Variants in TCF4 observed in about 807,000 individuals in gnomAD.
TCF4 encodes the protein transcription factor 4.
A neutral mutation model predicts 82.1 loss-of-function variants in TCF4; 3 were observed. The ratio of observed to expected loss-of-function variants is 0.04; its 90% CI spans 0.02 to 0.09. The LOEUF (loss-of-function observed/expected upper bound fraction) is 0.09, where lower values mean the gene tolerates loss of function less well. TCF4 is among the 10% of genes least tolerant of loss of function. The pLI, the probability that TCF4 is intolerant of heterozygous loss-of-function variation, is 1.00. For synonymous variants in TCF4, 276 were observed against 309.6 expected, an observed-to-expected ratio of 0.89 and a Z score of 1.14; for missense variants, 518 against 852.7, an observed-to-expected ratio of 0.61 and a Z score of 4.89.
intron 3 of TCF4, chr18:55,550,405 C>T (rs187658577): frequency 5.4e-4 from 82 of 152,190 alleles, no homozygotes; most frequent in African/African-American, 1.9e-3. Flanking sequence ...AGTTCCTGAC[C>T]CCTTATTTCA....
At chr18:55,259,551 G>A (rs1211600724) in intron 13 of TCF4, 1 of 162,248 alleles carries the variant, frequency 6.2e-6, no homozygotes, top group Non-Finnish European at 1.4e-5. Flanking sequence ...TGCAGGAAAT[G>A]ATCCATTTAA....
Position 55,588,190 on chromosome 18 carries a change from C to T in TCF4, c.-173G>A. ...GCCGCCGCCGCCGCCACTACAGATC[C>T]GCAGACACACAGCCAAGATCCCTGA... On this transcript the variant is annotated 5_prime_UTR_variant, in exon 1 of 20. Transcript: ENST00000354452. 1 of 1,199,442 alleles carries T rather than the reference C, an allele frequency of 8.3e-7. No homozygotes were observed. Among genetic ancestry groups the T allele is most frequent in the Non-Finnish European group, 1.0e-6 (1 of 969,148 alleles). The allele number at this position is 1,199,442 out of a possible 1,614,324, so 74.3% of individuals were successfully genotyped here. A position where few individuals can be genotyped will look rare whatever the true frequency, so the allele number is the denominator to read the frequency against.
At chr18:55,619,213 T>C (rs749221919) in intron 2 of TCF4, among the ~76,000 whole-genome samples, 1 of 152,154 alleles carries the variant, frequency 6.6e-6, no homozygotes, top group Non-Finnish European at 1.5e-5. Context: ...TTCTTTAATA[T>C]ATACAGGGGT....
chr18:55,503,608 C>T (rs1423655067), intron 3 of TCF4, among the ~76,000 whole-genome samples: 3 of 152,176 alleles, frequency 2.0e-5, no homozygotes, highest in Non-Finnish European at 4.4e-5. Context: ...TAACTTCCAA[C>T]AATACCTAGA....
At chr18:55,273,397 G>A (rs2060804815) in intron 10 of TCF4, among the ~76,000 whole-genome samples, 1 of 151,984 alleles carries the variant, frequency 6.6e-6, no homozygotes, top group South Asian at 2.1e-4. Flanking sequence ...GTTCAGTATG[G>A]GGCTAGCCAG....
intron 5 of TCF4, among the ~76,000 whole-genome samples, chr18:55,439,912 C>T (rs576109536): frequency 2.0e-5 from 3 of 152,086 alleles, no homozygotes; most frequent in South Asian, 2.1e-4. Flanking sequence ...TTAGTAGACA[C>T]GGGGTTTCAC....
chr18:55,570,782 A>AG (rs1555771953), intron 3 of TCF4, among the ~76,000 whole-genome samples: 1 of 150,928 alleles, frequency 6.6e-6, no homozygotes, highest in Non-Finnish European at 1.5e-5. Context: ...CGGGAGGCTG[A>AG]GGCAAGAGGA....
intron 5 of TCF4, among the ~76,000 whole-genome samples, chr18:55,417,568 ACT>A (rs972476540): frequency 6.6e-6 from 1 of 152,070 alleles, no homozygotes; most frequent in Non-Finnish European, 1.5e-5. Context: ...GACTGGACTG[ACT>A]CTGTCAGTCT....
chr18:55,564,598 G>A (rs904653748), intron 3 of TCF4, among the ~76,000 whole-genome samples: 2 of 152,180 alleles, frequency 1.3e-5, no homozygotes, highest in African/African-American at 4.8e-5. Context: ...GTGCATGGCA[G>A]TGTCATTTCC....
rs531832644 is a variant in TCF4, at chr18:55,620,027, G to A, written c.286+11271C>T. ...GGGTGGTTTCCTCCATGCTGTTCTC[G>A]TGACAGTGAGTGAGTTCTCATGAGA... On this transcript the variant is annotated intron_variant, in intron 2 of 20. Coordinates refer to the TCF4 transcript ENST00000398339. Among the ~76,000 whole-genome samples, 15 of 152,206 alleles carry A rather than the reference G, an allele frequency of 9.9e-5. No individual in the cohort carries two copies. In the South Asian group the frequency reaches 1.7e-3, roughly 17 times the overall value.
chr18:55,474,853 C>T (rs1198785167), intron 3 of TCF4, among the ~76,000 whole-genome samples: 1 of 152,172 alleles, frequency 6.6e-6, no homozygotes, highest in Non-Finnish European at 1.5e-5. Flanking sequence ...CAGCTCACCA[C>T]AGCCGCAACC....
At position 55,538,352 on chromosome 18, in the gene TCF4, T is replaced by C. The variant is rs568663645; in HGVS notation, c.145+46928A>G. Among the ~76,000 whole-genome samples, 32 of 152,304 alleles carry C rather than the reference T, an allele frequency of 2.1e-4. 1 individual carries two copies. Among genetic ancestry groups the C allele is most frequent in the Middle Eastern group, 3.4e-3 (1 of 294 alleles). On this transcript the variant is annotated intron_variant, in intron 3 of 19. Coordinates refer to ENST00000354452, the MANE Select transcript of TCF4 (RefSeq NM_001083962.2). ...TCATGCTCCTAGACTTTCTCATTGATTGGGGACATTTTTCCTATGCAAAAA... is the reference window on the plus strand; with the variant it reads ...TCATGCTCCTAGACTTTCTCATTGACTGGGGACATTTTTCCTATGCAAAAA...
At chr18:55,330,178 T>C (rs2077281036) in intron 8 of TCF4, among the ~76,000 whole-genome samples, 1 of 52,304 alleles carries the variant, frequency 1.9e-5, no homozygotes, top group Non-Finnish European at 3.4e-5. Context: ...AATGTTGGAT[T>C]TTTTTTTTTT....
At chr18:55,498,578 A>C (rs2096663227) in intron 3 of TCF4, among the ~76,000 whole-genome samples, 1 of 152,194 alleles carries the variant, frequency 6.6e-6, no homozygotes, top group Non-Finnish European at 1.5e-5. Flanking sequence ...CGGAAAAATC[A>C]AGATGACTTC....
chr18:55,297,364 T>A (rs1369299963), intron 8 of TCF4, among the ~76,000 whole-genome samples: 1 of 152,142 alleles, frequency 6.6e-6, no homozygotes, highest in Non-Finnish European at 1.5e-5. Flanking sequence ...CTGCTCCTCA[T>A]TGACACTGCC....
intron 8 of TCF4, among the ~76,000 whole-genome samples, chr18:55,314,629 T>C (rs946512249): frequency 1.3e-5 from 2 of 151,632 alleles, no homozygotes; most frequent in Admixed American, 6.6e-5. Context: ...TGTATCTTGC[T>C]TCCCTTCTTG....
chr18:55,348,435 T>C (rs2081640933), intron 8 of TCF4, among the ~76,000 whole-genome samples: 1 of 152,164 alleles, frequency 6.6e-6, no homozygotes, highest in Non-Finnish European at 1.5e-5. Flanking sequence ...AATCCTAAAC[T>C]GACCACTAAA....
At chr18:55,547,741 T>C (rs2097219142) in intron 3 of TCF4, among the ~76,000 whole-genome samples, 1 of 152,218 alleles carries the variant, frequency 6.6e-6, no homozygotes, top group Non-Finnish European at 1.5e-5. Context: ...CCAAATAGGC[T>C]GACTGACAAC....
intron 3 of TCF4, among the ~76,000 whole-genome samples, chr18:55,498,481 T>C (rs2096662155): frequency 6.6e-6 from 1 of 152,196 alleles, no homozygotes; most frequent in South Asian, 2.1e-4. Flanking sequence ...TGGATGTCAG[T>C]TTCTTGAGAA....
Sources: allele counts gnomAD v4.1 joint callset (sites outside exome capture counted in the v4.1 genomes callset), GRCh38; gene constraint gnomAD v4.1.1; transcripts MANE v1.5; gene names NCBI Gene and HGNC (gene_info 2026-07-23, HGNC 2026-07-21).